The following AUTS2 variants were observed in gnomAD, a reference collection of about 807,000 sequenced individuals.
The protein encoded by AUTS2 is activator of transcription and developmental regulator AUTS2.
In AUTS2, 17 loss-of-function variants were observed where a neutral mutation model predicts 112.4. That is an observed-to-expected ratio of 0.15 (90% confidence interval 0.10 to 0.23). AUTS2 has a LOEUF of 0.23. Ranked by LOEUF, AUTS2 falls within the 10% of genes least tolerant of loss-of-function variation. AUTS2 has a pLI of 1.00. For synonymous variants in AUTS2, 751 were observed against 702.7 expected, an observed-to-expected ratio of 1.07 and a Z score of -1.09; for missense variants, 1,510 against 1,701.6, an observed-to-expected ratio of 0.89 and a Z score of 1.98.
At chr7:70,564,467 T>G (rs1439903950) in intron 5 of AUTS2, among the ~76,000 whole-genome samples, 3 of 152,254 alleles carry the variant, frequency 2.0e-5, no homozygotes, top group African/African-American at 7.2e-5. Context: ...CTACTTAGAT[T>G]ACAGGATACA....
chr7:70,389,647 AT>A (rs1793763586), intron 4 of AUTS2, among the ~76,000 whole-genome samples: 1 of 151,956 alleles, frequency 6.6e-6, no homozygotes, highest in Non-Finnish European at 1.5e-5. Context: ...TTATAGAAAC[AT>A]TTTATGTGCC....
chr7:69,974,000 T>G (rs925793548), intron 2 of AUTS2, among the ~76,000 whole-genome samples: 3 of 152,166 alleles, frequency 2.0e-5, no homozygotes, highest in African/African-American at 4.8e-5. Context: ...TAATTGGTTT[T>G]CATTCTTCTT....
At chr7:69,972,662 TGTGC>T (rs780373674) in intron 2 of AUTS2, among the ~76,000 whole-genome samples, 43 of 137,028 alleles carry the variant, frequency 3.1e-4, no homozygotes, top group East Asian at 1.0e-3. Flanking sequence ...TTTGTGTGTG[TGTGC>T]GTGCATGTGT....
At chr7:70,759,963 T>C (rs1185633429) in intron 6 of AUTS2, among the ~76,000 whole-genome samples, 1 of 152,184 alleles carries the variant, frequency 6.6e-6, no homozygotes, top group African/African-American at 2.4e-5. Flanking sequence ...TATTTATTGA[T>C]GTCTTCACCA....
chr7:69,828,571 C>T (rs1368877237), intron 1 of AUTS2, among the ~76,000 whole-genome samples: 3 of 152,110 alleles, frequency 2.0e-5, no homozygotes, highest in African/African-American at 7.2e-5. Flanking sequence ...TTTCTGTTTC[C>T]TTCAGTCTAG....
At chr7:69,608,876 G>A (rs1186339271) in intron 1 of AUTS2, among the ~76,000 whole-genome samples, 1 of 152,120 alleles carries the variant, frequency 6.6e-6, no homozygotes, top group Non-Finnish European at 1.5e-5. Flanking sequence ...CATTTGTTAC[G>A]GTGGTCACTA....
chr7:69,668,424 T>G (rs1482862527), intron 1 of AUTS2, among the ~76,000 whole-genome samples: 1 of 152,214 alleles, frequency 6.6e-6, no homozygotes, highest in African/African-American at 2.4e-5. Flanking sequence ...TGCCACACCC[T>G]CTATCAAAAC....
intron 2 of AUTS2, among the ~76,000 whole-genome samples, chr7:70,077,986 C>T (rs748309527): frequency 1.3e-5 from 2 of 152,166 alleles, no homozygotes; most frequent in Admixed American, 1.3e-4. Context: ...ATATGCCGGT[C>T]TCATTCTTTG....
At chr7:70,638,851 T>C (rs1052730667) in intron 5 of AUTS2, among the ~76,000 whole-genome samples, 6 of 152,238 alleles carry the variant, frequency 3.9e-5, no homozygotes, top group Non-Finnish European at 8.8e-5. Flanking sequence ...TTGTATTATA[T>C]AGACATCATA....
Position 69,599,932 on chromosome 7 carries a change from G to T in AUTS2, c.279G>T (p.Met93Ile), listed in dbSNP as rs746860437. Residue 93 changes from methionine (M) to isoleucine (I), a missense_variant, in exon 1 of 19, where the codon ATG becomes ATT. Transcript: ENST00000342771. The surrounding 1 kb of genome is among the most constrained non-coding windows in gnomAD (Gnocchi z 7.0). ...AEEDIIDGFAMTSFVTFEALE... is the reference protein window; with the variant it reads ...AEEDIIDGFAITSFVTFEALE... ...AGGACATCATTGATGGATTTGCCAT[G>T]ACCAGCTTTGTCACTTTTGAAGCGC... The T allele has an allele frequency of 6.2e-7, 1 of 1,613,598 alleles. No homozygotes were observed. Among genetic ancestry groups the T allele is most frequent in the Non-Finnish European group, 8.5e-7 (1 of 1,179,926 alleles).
intron 5 of AUTS2, among the ~76,000 whole-genome samples, chr7:70,658,156 C>T (rs1806874581): frequency 6.6e-6 from 1 of 152,172 alleles, no homozygotes; most frequent in Non-Finnish European, 1.5e-5. Context: ...GAACGCCAAG[C>T]CTAGTTTGAT....
intron 4 of AUTS2, among the ~76,000 whole-genome samples, chr7:70,352,524 C>G (rs1222587369): frequency 6.6e-6 from 1 of 152,038 alleles, no homozygotes; most frequent in African/African-American, 2.4e-5. Flanking sequence ...TATTCATCAT[C>G]CACTGGGATC....
chr7:70,070,408 T>TAA (rs58320845), intron 2 of AUTS2, among the ~76,000 whole-genome samples: 9,361 of 128,236 alleles, frequency 0.073, 466 homozygotes, highest in African/African-American at 0.13. Context: ...CCCCGTCTCT[T>TAA]AAAAAAAAAA....
chr7:70,648,479 A>T (rs1354078755), intron 5 of AUTS2, among the ~76,000 whole-genome samples: 1 of 152,186 alleles, frequency 6.6e-6, no homozygotes, highest in Non-Finnish European at 1.5e-5. Flanking sequence ...CATGATCTTG[A>T]ATTTATACAT....
At chr7:70,546,082 T>C (rs1800762809) in intron 5 of AUTS2, among the ~76,000 whole-genome samples, 1 of 152,202 alleles carries the variant, frequency 6.6e-6, no homozygotes, top group Admixed American at 6.5e-5. Flanking sequence ...GAATGGGCAT[T>C]ATCTGCTTGG....
intron 1 of AUTS2, among the ~76,000 whole-genome samples, chr7:69,790,351 T>C (rs1789559879): frequency 6.6e-6 from 1 of 152,144 alleles, no homozygotes. Flanking sequence ...CCATTCCAAA[T>C]TGTGCTTCTG....
At chr7:69,997,674 A>C (rs1330923460) in intron 2 of AUTS2, among the ~76,000 whole-genome samples, 4 of 152,120 alleles carry the variant, frequency 2.6e-5, no homozygotes, top group Admixed American at 6.5e-5. Context: ...TCTTTTAAAC[A>C]ACCAGCTCTC....
intron 4 of AUTS2, among the ~76,000 whole-genome samples, chr7:70,207,750 G>T (rs576067926): frequency 6.6e-6 from 1 of 152,042 alleles, no homozygotes; most frequent in Non-Finnish European, 1.5e-5. Context: ...GGTGGCTCAC[G>T]CCTGTATTCC....
chr7:69,677,025 T>C (rs975187654), intron 1 of AUTS2, among the ~76,000 whole-genome samples: 2 of 152,182 alleles, frequency 1.3e-5, no homozygotes, highest in Admixed American at 6.5e-5. Flanking sequence ...TATCAGCTGA[T>C]AGAAAATTTC....
Sources: gnomAD v4.1 joint callset for allele counts (sites outside exome capture counted in the v4.1 genomes callset) on GRCh38, gnomAD v4.1.1 for gene constraint, Gnocchi (gnomAD v3.1) non-coding constraint, MANE v1.5 for transcripts, NCBI Gene and HGNC (gene_info 2026-07-23, HGNC 2026-07-21) for gene names.